FBXW8: variants seen among roughly 807,000 people sequenced by gnomAD.
FBXW8 encodes the protein F-box and WD repeat domain containing 8.
In FBXW8, 57 loss-of-function variants were observed where a neutral mutation model predicts 65.3. The ratio of observed to expected loss-of-function variants is 0.87; its 90% CI spans 0.71 to 1.09. The LOEUF (loss-of-function observed/expected upper bound fraction) is 1.09. Ranked by LOEUF, FBXW8 falls within the 50% of genes least tolerant of loss-of-function variation. The probability of loss-of-function intolerance (pLI) is 0.00; values close to 1 mark genes in which losing one functional copy is unlikely to be tolerated. For synonymous variants in FBXW8, 308 were observed against 330.2 expected, an observed-to-expected ratio of 0.93 and a Z score of 0.73; for missense variants, 777 against 814.8, an observed-to-expected ratio of 0.95 and a Z score of 0.57.
At chr12:116,945,812 G>A (rs992838727) in intron 3 of FBXW8, among the ~76,000 whole-genome samples, 8 of 152,206 alleles carry the variant, frequency 5.3e-5, no homozygotes, top group African/African-American at 1.9e-4. Flanking sequence ...GGTGGTCAGA[G>A]GAGTGCTCTG....
chr12:116,926,007 G>A (rs551006891), intron 1 of FBXW8, among the ~76,000 whole-genome samples: 1 of 152,322 alleles, frequency 6.6e-6, no homozygotes, highest in East Asian at 1.9e-4. Context: ...GTGATGCCAA[G>A]ATACGGGCAT....
chr12:117,001,117 A>G (rs1467660372), intron 7 of FBXW8, among the ~76,000 whole-genome samples: 1 of 152,216 alleles, frequency 6.6e-6, no homozygotes, highest in Non-Finnish European at 1.5e-5. Context: ...TGTCCTGGGT[A>G]TTACAAAGAG....
intron 2 of FBXW8, among the ~76,000 whole-genome samples, chr12:116,931,569 T>C (rs1274817614): frequency 6.6e-6 from 1 of 152,236 alleles, no homozygotes; most frequent in African/African-American, 2.4e-5. Context: ...GTTTTCAGCA[T>C]ACTGGTCTTT....
chr12:117,029,420 T>A lies in FBXW8; in HGVS notation c.*1248T>A, dbSNP rs941861651. Reference sequence around the variant, plus strand: ...AAAACAAACTATAAACTCTCTAGACTGGGCTGACAGTAAAAGCACAGAATA... The same window carrying A: ...AAAACAAACTATAAACTCTCTAGACAGGGCTGACAGTAAAAGCACAGAATA... On this transcript the variant is annotated 3_prime_UTR_variant, in exon 11 of 11. Transcript: ENST00000652555. The A allele has an allele frequency of 6.6e-6, 1 of 151,870 alleles. No homozygotes were observed. Among genetic ancestry groups the A allele is most frequent in the Admixed American group, 6.6e-5 (1 of 15,252 alleles). The allele number at this position is 151,870 out of a possible 1,614,324, so 9.4% of individuals were successfully genotyped here. A position where few individuals can be genotyped will look rare whatever the true frequency, so the allele number is the denominator to read the frequency against.
In FBXW8 at chr12:117,028,177, G is replaced by A. The variant is rs765428598; in HGVS notation, c.*5G>A. ...TTTCCCTATAACCATGTTTAGGGATGTGCCTCAGTTGGGAGCAAGGAGAAA... is the reference window on the plus strand; with the variant it reads ...TTTCCCTATAACCATGTTTAGGGATATGCCTCAGTTGGGAGCAAGGAGAAA... On this transcript the variant is annotated 3_prime_UTR_variant, in exon 11 of 11. Coordinates refer to ENST00000652555, the MANE Select transcript of FBXW8 (RefSeq NM_153348.3). The surrounding 1 kb of genome is among the most constrained non-coding windows in gnomAD (Gnocchi z 4.1). 2 of 1,613,414 alleles carry A rather than the reference G, an allele frequency of 1.2e-6. No homozygotes were observed. Among genetic ancestry groups the A allele is most frequent in the African/African-American group, 2.7e-5 (2 of 74,902 alleles).
chr12:116,915,181 A>G (rs1357817720), intron 1 of FBXW8, among the ~76,000 whole-genome samples: 7 of 152,376 alleles, frequency 4.6e-5, no homozygotes, highest in Middle Eastern at 3.4e-3. Flanking sequence ...CCCAGAGCCC[A>G]CAGGGCTAAG....
rs535655795 is a variant in FBXW8, at chr12:116,911,150, G to T, written c.113G>T (p.Arg38Leu). ...GAGGCTGCCGAGAGGCGGGCTCGGC[G>T]GCCGGAGGTGGGCTCCGGGCGCGGC... ...RPEAAERRAR[R>L]PEVGSGRGEQ... Residue 38 changes from arginine to leucine, a missense_variant, in exon 1 of 11, where the codon CGG (arginine) becomes CTG (leucine). By Grantham distance (102) the Arg-to-Leu change is moderately radical. Coordinates refer to ENST00000652555, the MANE Select transcript of FBXW8 (RefSeq NM_153348.3). 3 of 1,345,380 alleles carry T rather than the reference G, an allele frequency of 2.2e-6. No individual in the cohort carries two copies. Among genetic ancestry groups the T allele is most frequent in the Non-Finnish European group, 2.8e-6 (3 of 1,057,660 alleles). The allele number at this position is 1,345,380 out of a possible 1,614,324, so 83.3% of individuals were successfully genotyped here.
chr12:116,972,335 A>T (rs1884688519), intron 5 of FBXW8, among the ~76,000 whole-genome samples: 1 of 152,202 alleles, frequency 6.6e-6, no homozygotes, highest in South Asian at 2.1e-4. Flanking sequence ...AAGGAAGATA[A>T]ATCGAATTTT....
chr12:117,012,681 A>G (rs1430332943), intron 8 of FBXW8, among the ~76,000 whole-genome samples: 1 of 152,128 alleles, frequency 6.6e-6, no homozygotes, highest in Admixed American at 6.6e-5. Flanking sequence ...CAAAAGTGGG[A>G]GAAAGGGGTC....
Position 116,911,372 on chromosome 12 carries a change from T to TCC in FBXW8, c.318+23_318+24dup. 2.4e-6 allele frequency: 3 copies of TCC among 1,237,194 alleles called. No homozygotes were observed. The highest frequency in any genetic ancestry group is 3.0e-6 in the Non-Finnish European group (3 of 988,472). The allele number at this position is 1,237,194 out of a possible 1,614,324, so 76.6% of individuals were successfully genotyped here. Reference sequence around the variant, plus strand: ...CGCGACCTGGTGAGTGGCCGTCGCCTCCCCCCCGCCCATGCCTGCGCCGGC... The same window carrying TCC: ...CGCGACCTGGTGAGTGGCCGTCGCCTCCCCCCCCCGCCCATGCCTGCGCCGGC... On this transcript the variant is annotated intron_variant, in intron 1 of 10. Transcript: ENST00000652555.
At chr12:117,023,737 G>A (rs1954155768) in intron 8 of FBXW8, among the ~76,000 whole-genome samples, 1 of 152,226 alleles carries the variant, frequency 6.6e-6, no homozygotes, top group South Asian at 2.1e-4. Context: ...TCCTCACCCG[G>A]TTAGGATCTG....
At chr12:116,994,304 C>T (rs1315357631) in intron 7 of FBXW8, among the ~76,000 whole-genome samples, 1 of 152,112 alleles carries the variant, frequency 6.6e-6, no homozygotes, top group Non-Finnish European at 1.5e-5. Context: ...TGGAATAGTA[C>T]TGGTGTGAAA....
At chr12:116,933,124 T>C (rs1881901994) in intron 2 of FBXW8, among the ~76,000 whole-genome samples, 1 of 152,250 alleles carries the variant, frequency 6.6e-6, no homozygotes, top group South Asian at 2.1e-4. Context: ...TGATTTGTTA[T>C]ATTCTAACTT....
At position 117,028,506 on chromosome 12, in the gene FBXW8, T is replaced by A; in HGVS notation, c.*334T>A. The stretch of plus-strand genomic sequence containing the variant: ...TCCCTGCTTAGCCAGCTTCTGTGTG[T>A]CCGCCCTCCCAGCTCCAGCCCTGCA... On this transcript the variant is annotated 3_prime_UTR_variant, in exon 11 of 11. Coordinates refer to ENST00000652555, the MANE Select transcript of FBXW8 (RefSeq NM_153348.3). The surrounding 1 kb of genome is among the most constrained non-coding windows in gnomAD (Gnocchi z 4.1). The A allele has an allele frequency of 4.1e-6, 1 of 242,596 alleles. No homozygotes were observed. Among genetic ancestry groups the A allele is most frequent in the Admixed American group, 4.8e-5 (1 of 20,962 alleles). The allele number at this position is 242,596 out of a possible 1,614,324, so 15.0% of individuals were successfully genotyped here.
rs756687387 is a variant in FBXW8 at position 116,988,797 on chromosome 12, A to G, written c.1167A>G (p.Thr389=). ...TLLYAHGPPV[T]CLDVSANQVA... is the part of the protein sequence containing the mutation. Reference sequence around the variant, plus strand: ...TTTACGCCCACGGCCCGCCTGTCACATGTCTAGACGTCTCGGCCAACCAAG... The same window carrying G: ...TTTACGCCCACGGCCCGCCTGTCACGTGTCTAGACGTCTCGGCCAACCAAG... Residue 389 remains threonine, a synonymous_variant, in exon 7 of 11, where the codon ACA becomes ACG. Coordinates refer to ENST00000652555, the MANE Select transcript of FBXW8 (RefSeq NM_153348.3). The G allele has an allele frequency of 2.5e-6, 4 of 1,614,168 alleles. No individual in the cohort carries two copies. Among genetic ancestry groups the G allele is most frequent in the African/African-American group, 1.3e-5 (1 of 75,030 alleles).
rs1418364444 is a variant in FBXW8, at chr12:116,933,665, T to G, written c.423+5538T>G. Among the ~76,000 whole-genome samples the G allele has an allele frequency of 2.6e-5, 4 of 152,248 alleles. No individual in the cohort carries two copies. In the East Asian group the frequency reaches 7.7e-4, roughly 29 times the overall value. Reference sequence around the variant, plus strand: ...AAAATATTCTTAAACAGAACCCCGTTAGCGTACAGTGACTAAGTTAGCTGT... The same window carrying G: ...AAAATATTCTTAAACAGAACCCCGTGAGCGTACAGTGACTAAGTTAGCTGT... On this transcript the variant is annotated intron_variant, in intron 2 of 10. Transcript: ENST00000652555.
Position 116,913,458 on chromosome 12 carries a change from T to C in FBXW8, c.318+2103T>C, listed in dbSNP as rs566890016. Among the ~76,000 whole-genome samples, 4 of 152,320 alleles carry C rather than the reference T, an allele frequency of 2.6e-5. No homozygotes were observed. In the East Asian group the frequency reaches 7.7e-4, roughly 29 times the overall value. On this transcript the variant is annotated intron_variant, in intron 1 of 10. Coordinates refer to ENST00000652555, the MANE Select transcript of FBXW8 (RefSeq NM_153348.3). Reference sequence around the variant, plus strand: ...TTATAGATAAGTCAGTTAACACATATTTTGTATCTTCTGTGTGTTATATAC... The same window carrying C: ...TTATAGATAAGTCAGTTAACACATACTTTGTATCTTCTGTGTGTTATATAC...
In FBXW8 at chr12:117,027,519, C is replaced by G; in HGVS notation, c.1652+15C>G. The G allele has an allele frequency of 6.2e-7, 1 of 1,601,314 alleles. No individual in the cohort carries two copies. Among genetic ancestry groups the G allele is most frequent in the Non-Finnish European group, 8.6e-7 (1 of 1,168,650 alleles). On this transcript the variant is annotated intron_variant, in intron 10 of 10. Coordinates refer to ENST00000652555, the MANE Select transcript of FBXW8 (RefSeq NM_153348.3). ...ACTCACAGGAGGTTAGTGGTGGGGCCGGGCGAGTAAGAGACCATCTTAGTT... is the reference window on the plus strand; with the variant it reads ...ACTCACAGGAGGTTAGTGGTGGGGCGGGGCGAGTAAGAGACCATCTTAGTT...
intron 1 of FBXW8, among the ~76,000 whole-genome samples, chr12:116,925,616 T>A (rs1881267459): frequency 6.6e-6 from 1 of 152,198 alleles, no homozygotes; most frequent in African/African-American, 2.4e-5. Context: ...CTTTTGGAGT[T>A]TAGATCATAA....
Sources: gnomAD v4.1 joint callset for allele counts (sites outside exome capture counted in the v4.1 genomes callset) on GRCh38, gnomAD v4.1.1 for gene constraint, Gnocchi (gnomAD v3.1) non-coding constraint, MANE v1.5 for transcripts, NCBI Gene and HGNC (gene_info 2026-07-23, HGNC 2026-07-21) for gene names.